NT5C2: variants seen among roughly 807,000 people sequenced by gnomAD.
The protein encoded by NT5C2 is 5'-nucleotidase, cytosolic II, also known as cytosolic purine 5'-nucleotidase.
In NT5C2, 58 loss-of-function variants were observed where a neutral mutation model predicts 76.1. The ratio of observed to expected loss-of-function variants is 0.76; its 90% confidence interval spans 0.62 to 0.95. The LOEUF (loss-of-function observed/expected upper bound fraction) is 0.95, where lower values mean the gene tolerates loss of function less well. Ranked by LOEUF, NT5C2 falls within the 40% of genes least tolerant of loss-of-function variation. NT5C2 has a pLI of 0.00. For missense variants in NT5C2, 478 were observed against 690.3 expected (o/e 0.69, Z 3.45); for synonymous variants, 229 against 237.4 (o/e 0.96, Z 0.32).
chr10:103,089,165 A>G lies in NT5C2; in HGVS notation c.*507T>C, dbSNP rs1172244568. Reference sequence around the variant, plus strand: ...GTCACTGAGGATGAATTAAAGGCTTATAAAAGAAAACTTGACCTTAACAGA... The same window carrying G: ...GTCACTGAGGATGAATTAAAGGCTTGTAAAAGAAAACTTGACCTTAACAGA... On this transcript the variant is annotated 3_prime_UTR_variant, in exon 19 of 19. Coordinates refer to ENST00000404739, the MANE Select transcript of NT5C2 (RefSeq NM_001351169.2). 2.7e-5 allele frequency: 6 copies of G among 226,022 alleles called. No homozygotes were observed. Among genetic ancestry groups the G allele is most frequent in the Non-Finnish European group, 4.4e-5 (5 of 113,628 alleles). 14.0% of individuals were successfully genotyped at this position (226,022 alleles called of 1,614,324 possible).
chr10:103,100,107 TC>T, intron 8 of NT5C2, 88 bp from the exon 9 acceptor site: 1 of 794,662 alleles, frequency 1.3e-6, no homozygotes, highest in Non-Finnish European at 2.1e-6. Flanking sequence ...ACCCAAAGGT[TC>T]CATATCACAT....
intron 4 of NT5C2, among the ~76,000 whole-genome samples, chr10:103,127,427 G>A (rs1239801734): frequency 1.3e-5 from 2 of 152,146 alleles, no homozygotes; most frequent in African/African-American, 4.8e-5. Context: ...GGTGATAAAG[G>A]AATCTTCTCT....
At chr10:103,183,509 T>TTA (rs1491179768) in intron 1 of NT5C2, among the ~76,000 whole-genome samples, 69 of 121,340 alleles carry the variant, frequency 5.7e-4, no homozygotes, top group African/African-American at 2.2e-3. Flanking sequence ...AAACAAATGC[T>TTA]TTTTTTTTTT....
At chr10:103,129,239 G>A (rs1479663308) in intron 4 of NT5C2, among the ~76,000 whole-genome samples, 7 of 104,558 alleles carry the variant, frequency 6.7e-5, no homozygotes, top group African/African-American at 1.8e-4. Flanking sequence ...CACCCCGTCC[G>A]GGAGGGAGAT....
Position 103,131,397 on chromosome 10 carries a change from A to G in NT5C2, c.175+8009T>C, listed in dbSNP as rs149479805. Reference sequence around the variant, plus strand: ...TTCATATGCTGAAATATAATCATCAATGTGATGGTGTCAGGAAGTGATGCT... The same window carrying G: ...TTCATATGCTGAAATATAATCATCAGTGTGATGGTGTCAGGAAGTGATGCT... On this transcript the variant is annotated intron_variant, in intron 4 of 18. Transcript: ENST00000404739. 3.9e-5 allele frequency among the ~76,000 whole-genome samples: 6 copies of G among 152,320 alleles called. No individual in the cohort carries two copies. The East Asian group carries it at 1.2e-3, about 29-fold the overall frequency.
intron 4 of NT5C2, among the ~76,000 whole-genome samples, chr10:103,128,233 G>A (rs1239619146): frequency 2.0e-5 from 3 of 150,686 alleles, no homozygotes; most frequent in East Asian, 4.0e-4. Context: ...GCGCCGCCAC[G>A]CCTGACTGGT....
chr10:103,133,015 C>A (rs1029095359), intron 4 of NT5C2, among the ~76,000 whole-genome samples: 1 of 152,196 alleles, frequency 6.6e-6, no homozygotes, highest in Non-Finnish European at 1.5e-5. Context: ...TATGTCCCCA[C>A]CCAAATGTCA....
intron 4 of NT5C2, among the ~76,000 whole-genome samples, chr10:103,128,322 C>T (rs1047703892): frequency 1.3e-5 from 2 of 149,276 alleles, no homozygotes; most frequent in African/African-American, 4.9e-5. Context: ...CCAACCTCGG[C>T]CTCCCGAGGT....
chr10:103,164,362 A>AT (rs2085807523), intron 3 of NT5C2, among the ~76,000 whole-genome samples: 1 of 151,990 alleles, frequency 6.6e-6, no homozygotes, highest in Non-Finnish European at 1.5e-5. Context: ...GGTTCAAGTG[A>AT]TTCTCCTGCC....
At chr10:103,147,574 G>T (rs1296039418) in intron 3 of NT5C2, among the ~76,000 whole-genome samples, 4 of 152,186 alleles carry the variant, frequency 2.6e-5, no homozygotes, top group Admixed American at 2.6e-4. Flanking sequence ...ATAAAGTTGT[G>T]ACCCAAATGA....
At chr10:103,104,717 A>G (rs992213574) in intron 6 of NT5C2, among the ~76,000 whole-genome samples, 3 of 152,176 alleles carry the variant, frequency 2.0e-5, no homozygotes, top group Admixed American at 2.0e-4. Flanking sequence ...TAGATGCTTC[A>G]ATTCTAAGGG....
chr10:103,122,791 A>C (rs1167411544), intron 4 of NT5C2, among the ~76,000 whole-genome samples: 1 of 152,214 alleles, frequency 6.6e-6, no homozygotes, highest in Non-Finnish European at 1.5e-5. Context: ...GACGCAGCAA[A>C]GAATCTGAAT....
At chr10:103,095,624 G>A (rs1204200648) in intron 12 of NT5C2, among the ~76,000 whole-genome samples, 1 of 152,098 alleles carries the variant, frequency 6.6e-6, no homozygotes, top group Non-Finnish European at 1.5e-5. Context: ...TCCTTTCATT[G>A]CCACACAAAC....
intron 4 of NT5C2, among the ~76,000 whole-genome samples, chr10:103,131,443 C>G (rs2078152180): frequency 6.6e-6 from 1 of 152,114 alleles, no homozygotes; most frequent in African/African-American, 2.4e-5. Flanking sequence ...GATTGGTGTC[C>G]TCTTTTATAA....
At chr10:103,132,426 G>A (rs1206893803) in intron 4 of NT5C2, among the ~76,000 whole-genome samples, 4 of 152,142 alleles carry the variant, frequency 2.6e-5, no homozygotes, top group Non-Finnish European at 4.4e-5. Context: ...TAATAATACT[G>A]TACTGGTGTT....
intron 12 of NT5C2, among the ~76,000 whole-genome samples, chr10:103,095,574 T>G (rs2134792005): frequency 6.6e-6 from 1 of 152,338 alleles, no homozygotes; most frequent in African/African-American, 2.4e-5. Context: ...ACATACATTT[T>G]CTGTTTCTGT....
chr10:103,093,551 A>G (rs906944696), intron 14 of NT5C2, among the ~76,000 whole-genome samples: 2 of 152,332 alleles, frequency 1.3e-5, no homozygotes, highest in Non-Finnish European at 2.9e-5. Flanking sequence ...TCCTCAGCTT[A>G]GTGAAAATAA....
rs3837340 is a variant in NT5C2 at position 103,092,902 on chromosome 10, A to AAACTTAACTT, written c.1159+236_1159+237insAAGTTAAGTT. ...ACACAACTCAAGACGCCAACATTCTAAACTTAACCTCGAAGAGATTCAAGA... is the reference window on the plus strand; with the variant it reads ...ACACAACTCAAGACGCCAACATTCTAAACTTAACTTAACTTAACCTCGAAGAGATTCAAGA... On this transcript the variant is annotated intron_variant, in intron 15 of 18. Coordinates refer to ENST00000404739, the MANE Select transcript of NT5C2 (RefSeq NM_001351169.2). Among the ~76,000 whole-genome samples the AAACTTAACTT allele has an allele frequency of 1.9e-4, 29 of 151,854 alleles. No homozygotes were observed. The East Asian group carries it at 4.7e-3, about 24-fold the overall frequency.
intron 3 of NT5C2, among the ~76,000 whole-genome samples, chr10:103,172,549 T>C (rs116589579): frequency 0.014 from 2,150 of 152,048 alleles, 41 homozygotes; most frequent in African/African-American, 0.048. Context: ...TTAAAAATAT[T>C]TGGGGACCAC....
Sources: gnomAD v4.1 joint callset for allele counts (sites outside exome capture counted in the v4.1 genomes callset) on GRCh38, gnomAD v4.1.1 for gene constraint, MANE v1.5 for transcripts, NCBI Gene and HGNC (gene_info 2026-07-23, HGNC 2026-07-21) for gene names.